Variants in SNAP25 observed in about 807,000 individuals in gnomAD.
SNAP25 encodes synaptosome associated protein 25, also known as synaptosomal-associated protein 25.
A neutral mutation model predicts 28.7 loss-of-function variants in SNAP25; 3 were observed. The ratio of observed to expected loss-of-function variants is 0.10; its 90% CI spans 0.05 to 0.27. The LOEUF is 0.27. SNAP25 is among the 10% of genes least tolerant of loss of function. The pLI, the probability that SNAP25 is intolerant of heterozygous loss-of-function variation, is 1.00. For missense variants in SNAP25, 117 were observed against 278.7 expected, an observed-to-expected ratio of 0.42 and a Z score of 4.13; for synonymous variants, 61 against 88.1, an observed-to-expected ratio of 0.69 and a Z score of 1.72.
chr20:10,289,813 A>G (rs1340173504), intron 4 of SNAP25, among the ~76,000 whole-genome samples: 1 of 151,374 alleles, frequency 6.6e-6, no homozygotes, highest in Non-Finnish European at 1.5e-5. Flanking sequence ...AGAGATTAGT[A>G]GAAATTTTGT....
chr20:10,306,420 G>T lies in SNAP25; in HGVS notation c.*223G>T. The T allele has an allele frequency of 9.2e-6, 4 of 435,238 alleles. No homozygotes were observed. The highest frequency in any genetic ancestry group is 6.0e-4 in the Middle Eastern group (1 of 1,662). The allele number at this position is 435,238 out of a possible 1,614,324, so 27.0% of individuals were successfully genotyped here. A position where few individuals can be genotyped will look rare whatever the true frequency, so the allele number is the denominator to read the frequency against. ...AGGTTGTACATAGTGGTCATTTGGT[G>T]GCTCTAACTCCTTGAGGTCTTGAGT... On this transcript the variant is annotated 3_prime_UTR_variant, in exon 8 of 8. Coordinates refer to ENST00000254976, the MANE Select transcript of SNAP25 (RefSeq NM_130811.4).
At chr20:10,223,178 T>C (rs2062665385) in intron 1 of SNAP25, among the ~76,000 whole-genome samples, 1 of 152,192 alleles carries the variant, frequency 6.6e-6, no homozygotes, top group Admixed American at 6.5e-5. Context: ...GAATGGGTAG[T>C]ATATCAGATT....
chr20:10,271,358 C>T (rs547714817), intron 1 of SNAP25, among the ~76,000 whole-genome samples: 5 of 152,318 alleles, frequency 3.3e-5, no homozygotes, highest in East Asian at 3.9e-4. Context: ...TCTGGAGGTA[C>T]GCTCAGCGCC....
At chr20:10,220,341 G>A (rs2062606672) in intron 1 of SNAP25, among the ~76,000 whole-genome samples, 1 of 152,162 alleles carries the variant, frequency 6.6e-6, no homozygotes, top group Admixed American at 6.5e-5. Context: ...CTTTGGCCAC[G>A]GTTTCAGAGT....
intron 1 of SNAP25, among the ~76,000 whole-genome samples, chr20:10,246,660 G>A (rs938682256): frequency 1.3e-5 from 2 of 152,036 alleles, no homozygotes; most frequent in Non-Finnish European, 2.9e-5. Flanking sequence ...CCACCAAATT[G>A]CCACCTTTTA....
chr20:10,276,121 C>T (rs1344350577), intron 2 of SNAP25, among the ~76,000 whole-genome samples: 1 of 152,114 alleles, frequency 6.6e-6, no homozygotes, highest in African/African-American at 2.4e-5. Context: ...ATGTGTCTTT[C>T]CAACTTCATG....
At position 10,250,487 on chromosome 20, in the gene SNAP25, C is replaced by T. The variant is rs2063206594; in HGVS notation, c.-63-24942C>T. 2.0e-5 allele frequency among the ~76,000 whole-genome samples: 3 copies of T among 152,152 alleles called. No homozygotes were observed. In the South Asian group the frequency reaches 6.2e-4, roughly 32 times the overall value. ...AAATGATCACAAGTGGTCTCCAAGT[C>T]CCCTGAGGAAGAAACCTTAAAGTAT... is the stretch of plus-strand genomic sequence containing the variant. On this transcript the variant is annotated intron_variant, in intron 1 of 7. Coordinates refer to ENST00000254976, the MANE Select transcript of SNAP25 (RefSeq NM_130811.4).
intron 1 of SNAP25, among the ~76,000 whole-genome samples, chr20:10,231,001 A>C (rs560823966): frequency 1.3e-5 from 2 of 152,124 alleles, no homozygotes; most frequent in Non-Finnish European, 2.9e-5. Flanking sequence ...TTAAAATCTC[A>C]TCAAATAATA....
chr20:10,277,977 C>A, intron 3 of SNAP25: 1 of 350,846 alleles, frequency 2.9e-6, no homozygotes, highest in Non-Finnish European at 5.1e-6. Flanking sequence ...AATAGAATTT[C>A]CAAGTCTGTG....
chr20:10,274,619 G>A (rs894432188), intron 1 of SNAP25, among the ~76,000 whole-genome samples: 15 of 152,112 alleles, frequency 9.9e-5, no homozygotes, highest in African/African-American at 1.9e-4. Flanking sequence ...CAAGGCAGGC[G>A]GATCACAAGG....
chr20:10,248,526 T>C (rs1329494664), intron 1 of SNAP25, among the ~76,000 whole-genome samples: 1 of 152,172 alleles, frequency 6.6e-6, no homozygotes, highest in East Asian at 1.9e-4. Flanking sequence ...TATCCAGTAA[T>C]ACCATTTGTT....
chr20:10,221,784 C>A (rs555080651), intron 1 of SNAP25, among the ~76,000 whole-genome samples: 1 of 152,340 alleles, frequency 6.6e-6, no homozygotes, highest in African/African-American at 2.4e-5. Context: ...GGGTTATCAG[C>A]TGAAAGACAT....
Position 10,293,392 on chromosome 20 carries a change from G to A in SNAP25, c.281+114G>A. The A allele has an allele frequency of 1.4e-6, 1 of 725,926 alleles. No homozygotes were observed. Among genetic ancestry groups the A allele is most frequent in the South Asian group, 1.7e-5 (1 of 58,916 alleles). 45.0% of individuals were successfully genotyped at this position (725,926 alleles called of 1,614,324 possible). The stretch of plus-strand genomic sequence containing the variant: ...GGATGAGCATGTGGCATGCAGAACA[G>A]ATCAATACCGTCTCCAATGCATTCA... On this transcript the variant is annotated intron_variant, in intron 5 of 7. Transcript: ENST00000254976. The surrounding 1 kb of genome is among the most constrained non-coding windows in gnomAD (Gnocchi z 5.6).
At chr20:10,292,839 C>T (rs778283651) in intron 4 of SNAP25, 1 of 1,342,974 alleles carries the variant, frequency 7.4e-7, no homozygotes, top group Non-Finnish European at 1.0e-6. Context: ...TTGGAGACCC[C>T]CAAAAAATTC....
intron 7 of SNAP25, among the ~76,000 whole-genome samples, chr20:10,302,127 G>A (rs2064254505): frequency 6.6e-6 from 1 of 152,106 alleles, no homozygotes; most frequent in Admixed American, 6.6e-5. Context: ...TCCAGAGGCT[G>A]AGGCAGGAGA....
At chr20:10,241,839 A>G (rs2063039924) in intron 1 of SNAP25, among the ~76,000 whole-genome samples, 1 of 152,090 alleles carries the variant, frequency 6.6e-6, no homozygotes, top group Non-Finnish European at 1.5e-5. Flanking sequence ...TGCAGAGGAG[A>G]CTGGCTTTTG....
At position 10,293,046 on chromosome 20, in the gene SNAP25, CT is replaced by C. The variant is rs746018453; in HGVS notation, c.164-102del. ...TAATCTGTGGCGTCCAGTTTTCTTT[CT>C]TTTTTTTTTTTTCTTTTTTAATGTC... On this transcript the variant is annotated intron_variant, in intron 4 of 7. Coordinates refer to ENST00000254976, the MANE Select transcript of SNAP25 (RefSeq NM_130811.4). The surrounding 1 kb of genome is among the most constrained non-coding windows in gnomAD (Gnocchi z 5.6). 0.092 allele frequency: 91,825 copies of C among 999,190 alleles called. 87 individuals carry two copies. Among genetic ancestry groups the C allele is most frequent in the South Asian group, 0.11 (5,700 of 51,766 alleles). 61.9% of individuals were successfully genotyped at this position (999,190 alleles called of 1,614,324 possible).
chr20:10,271,048 C>G (rs560294147), intron 1 of SNAP25, among the ~76,000 whole-genome samples: 6 of 152,272 alleles, frequency 3.9e-5, no homozygotes, highest in African/African-American at 1.2e-4. Flanking sequence ...CAATCAGAGC[C>G]TCGGGGAATA....
chr20:10,241,167 G>A (rs569472635), intron 1 of SNAP25, among the ~76,000 whole-genome samples: 120 of 143,540 alleles, frequency 8.4e-4, no homozygotes, highest in African/African-American at 2.9e-3. Context: ...CCTTGGCTGG[G>A]AAGGCAGGAA....
Sources: gnomAD v4.1 joint callset for allele counts (sites outside exome capture counted in the v4.1 genomes callset) on GRCh38, gnomAD v4.1.1 for gene constraint, Gnocchi (gnomAD v3.1) non-coding constraint, MANE v1.5 for transcripts, NCBI Gene and HGNC (gene_info 2026-07-23, HGNC 2026-07-21) for gene names.